The following LARGE1 variants were observed in gnomAD, a reference collection of about 807,000 sequenced individuals.
The protein encoded by LARGE1 is LARGE xylosyl- and glucuronyltransferase 1.
LARGE1 carries 43 observed loss-of-function variants against 87.6 expected under a neutral mutation model. That is an observed-to-expected ratio of 0.49 (90% CI 0.38 to 0.63). LARGE1 has a LOEUF of 0.63. LARGE1 is among the 30% of genes least tolerant of loss of function. LARGE1 has a pLI of 0.00. For synonymous variants in LARGE1, 434 were observed against 394.6 expected, an observed-to-expected ratio of 1.10 and a Z score of -1.18; for missense variants, 802 against 1,000.2, an observed-to-expected ratio of 0.80 and a Z score of 2.67.
chr22:33,472,856 G>A (rs1006437972), intron 6 of LARGE1, among the ~76,000 whole-genome samples: 1 of 152,212 alleles, frequency 6.6e-6, no homozygotes, highest in African/African-American at 2.4e-5. Context: ...AATGATACCA[G>A]TAGCAGTGCT....
chr22:33,501,861 C>A (rs1203961389), intron 6 of LARGE1, among the ~76,000 whole-genome samples: 1 of 152,154 alleles, frequency 6.6e-6, no homozygotes, highest in African/African-American at 2.4e-5. Flanking sequence ...CAACCATGTG[C>A]TATGAAGGGG....
chr22:33,220,199 G>A (rs892834522), intron 11 of LARGE1, among the ~76,000 whole-genome samples: 3 of 152,260 alleles, frequency 2.0e-5, no homozygotes, highest in Non-Finnish European at 4.4e-5. Flanking sequence ...CAGCTCAGGA[G>A]GAATGAAATT....
chr22:33,664,431 C>T (rs2081211577), intron 2 of LARGE1, among the ~76,000 whole-genome samples: 1 of 152,186 alleles, frequency 6.6e-6, no homozygotes, highest in Admixed American at 6.5e-5. Flanking sequence ...AAAATATACC[C>T]TGGATACAAA....
the LARGE1 span, among the ~76,000 whole-genome samples, chr22:33,156,178 T>A: frequency 6.6e-6 from 1 of 152,082 alleles, no homozygotes; most frequent in Middle Eastern, 3.4e-3. Flanking sequence ...CCACACAGAG[T>A]CCCTATTGGG....
At chr22:33,182,684 T>A (rs1022142833) in intron 11 of LARGE1, among the ~76,000 whole-genome samples, 1 of 152,234 alleles carries the variant, frequency 6.6e-6, no homozygotes, top group Admixed American at 6.5e-5. Context: ...TGTTGTCTAC[T>A]AATCTTTGAT....
chr22:33,327,625 G>A (rs1167849277), intron 10 of LARGE1, among the ~76,000 whole-genome samples: 3 of 152,126 alleles, frequency 2.0e-5, no homozygotes, highest in South Asian at 2.1e-4. Context: ...GTGCCGTCTC[G>A]ATTCACTGCA....
chr22:33,425,374 C>A (rs542561713), intron 7 of LARGE1, among the ~76,000 whole-genome samples: 4 of 152,290 alleles, frequency 2.6e-5, no homozygotes, highest in African/African-American at 9.6e-5. Context: ...GAAAGTAAGT[C>A]CTCACCACAC....
intron 1 of LARGE1, among the ~76,000 whole-genome samples, chr22:33,823,874 C>T (rs2062706840): frequency 6.6e-6 from 1 of 152,204 alleles, no homozygotes; most frequent in South Asian, 2.1e-4. Context: ...CAGGGCTTCA[C>T]AGTTACCCGA....
chr22:33,712,848 G>A (rs1388332367), intron 2 of LARGE1, among the ~76,000 whole-genome samples: 1 of 152,162 alleles, frequency 6.6e-6, no homozygotes, highest in Non-Finnish European at 1.5e-5. Flanking sequence ...TTTCCATGGT[G>A]CGGACTCTGT....
At chr22:33,502,204 A>C (rs1028447190) in intron 6 of LARGE1, among the ~76,000 whole-genome samples, 1 of 151,874 alleles carries the variant, frequency 6.6e-6, no homozygotes, top group African/African-American at 2.4e-5. Flanking sequence ...TTAAAAAAAA[A>C]AAAAAAACTG....
intron 4 of LARGE1, among the ~76,000 whole-genome samples, chr22:33,610,826 A>G (rs1179995684): frequency 6.6e-6 from 1 of 152,198 alleles, no homozygotes; most frequent in East Asian, 1.9e-4. Context: ...GGCCAGGGCC[A>G]GGACACCATT....
intron 6 of LARGE1, among the ~76,000 whole-genome samples, chr22:33,487,532 C>T (rs1045240288): frequency 6.6e-6 from 1 of 152,154 alleles, no homozygotes; most frequent in Non-Finnish European, 1.5e-5. Flanking sequence ...GTTGTAAAGG[C>T]ATTTCCTCCA....
At chr22:33,519,127 A>G (rs1309655013) in intron 6 of LARGE1, among the ~76,000 whole-genome samples, 3 of 152,168 alleles carry the variant, frequency 2.0e-5, no homozygotes, top group African/African-American at 7.2e-5. Flanking sequence ...AATCTCATGG[A>G]TATGCTCAAG....
At chr22:33,687,580 G>T (rs918416288) in intron 2 of LARGE1, among the ~76,000 whole-genome samples, 16 of 152,158 alleles carry the variant, frequency 1.1e-4, no homozygotes, top group African/African-American at 3.9e-4. Flanking sequence ...GAAGGTTCCA[G>T]GAGGCGTCGC....
intron 7 of LARGE1, among the ~76,000 whole-genome samples, chr22:33,424,415 T>C (rs1412631165): frequency 6.6e-6 from 1 of 152,188 alleles, no homozygotes; most frequent in Non-Finnish European, 1.5e-5. Context: ...ACAGAAGGTT[T>C]TGGAAGGATG....
intron 2 of LARGE1, among the ~76,000 whole-genome samples, chr22:33,749,113 G>A (rs1311989266): frequency 6.6e-6 from 1 of 152,200 alleles, no homozygotes; most frequent in African/African-American, 2.4e-5. Context: ...GCTACAGGTT[G>A]TGCTCTCCTC....
chr22:33,764,601 T>C (rs1045066496), intron 1 of LARGE1, among the ~76,000 whole-genome samples: 1 of 151,930 alleles, frequency 6.6e-6, no homozygotes, highest in Non-Finnish European at 1.5e-5. Context: ...CTACTAAAAA[T>C]ACAAGAATTA....
intron 11 of LARGE1, among the ~76,000 whole-genome samples, chr22:33,311,857 T>C (rs1296598877): frequency 6.6e-6 from 1 of 152,172 alleles, no homozygotes; most frequent in Non-Finnish European, 1.5e-5. Flanking sequence ...ATGAGGCAAG[T>C]AATTTTATCC....
At chr22:33,245,984 T>C (rs888105223) in intron 11 of LARGE1, among the ~76,000 whole-genome samples, 1 of 152,172 alleles carries the variant, frequency 6.6e-6, no homozygotes, top group Non-Finnish European at 1.5e-5. Flanking sequence ...ATATGAAATA[T>C]CTTAAAATGT....
Sources: allele counts gnomAD v4.1 joint callset (sites outside exome capture counted in the v4.1 genomes callset), GRCh38; gene constraint gnomAD v4.1.1; transcripts MANE v1.5; gene names NCBI Gene and HGNC (gene_info 2026-07-23, HGNC 2026-07-21).